Variants in KCNIP1 observed in about 807,000 individuals in gnomAD.
The protein encoded by KCNIP1 is potassium voltage-gated channel interacting protein 1, also known as A-type potassium channel modulatory protein KCNIP1.
A neutral mutation model predicts 33.0 loss-of-function variants in KCNIP1; 18 were observed. The observed-to-expected ratio is 0.55, with a 90% CI of 0.38 to 0.81. The LOEUF (loss-of-function observed/expected upper bound fraction) is 0.81, where lower values mean the gene tolerates loss of function less well. Ranked by LOEUF, KCNIP1 falls within the 30% of genes least tolerant of loss-of-function variation. The pLI is 0.00. For synonymous variants in KCNIP1, 93 were observed against 98.3 expected, an observed-to-expected ratio of 0.95 and a Z score of 0.32; for missense variants, 238 against 271.6, an observed-to-expected ratio of 0.88 and a Z score of 0.87.
At chr5:170,382,005 AG>A (rs1229140813) in intron 1 of KCNIP1, among the ~76,000 whole-genome samples, 1 of 151,938 alleles carries the variant, frequency 6.6e-6, no homozygotes, top group Non-Finnish European at 1.5e-5. Flanking sequence ...AGCACTCTCA[AG>A]ATCCCCCAGC....
chr5:170,652,498 A>AAAAAAGGAAGG (rs33995162), intron 1 of KCNIP1, among the ~76,000 whole-genome samples: 1 of 103,052 alleles, frequency 9.7e-6, no homozygotes, highest in Non-Finnish European at 1.8e-5. Flanking sequence ...AAAAAAAAAA[A>AAAAAAGGAAGG]AAGGAAGGAA....
intron 1 of KCNIP1, among the ~76,000 whole-genome samples, chr5:170,546,103 A>G: frequency 6.6e-6 from 1 of 152,098 alleles, no homozygotes; most frequent in East Asian, 1.9e-4. Flanking sequence ...GGCTTTTCCC[A>G]TTTCCTTGTG....
chr5:170,679,313 A>G (rs1381244403), intron 1 of KCNIP1: 1 of 152,220 alleles, frequency 6.6e-6, no homozygotes, highest in African/African-American at 2.4e-5. Flanking sequence ...ACCCCAGGAC[A>G]TCACTGCCTA....
intron 1 of KCNIP1, among the ~76,000 whole-genome samples, chr5:170,447,404 A>G (rs1244539416): frequency 6.6e-6 from 1 of 152,192 alleles, no homozygotes; most frequent in Admixed American, 6.5e-5. Context: ...CCTCCATTCC[A>G]GCCTCTCTTG....
chr5:170,657,874 G>A (rs770159722), intron 1 of KCNIP1, among the ~76,000 whole-genome samples: 9 of 152,158 alleles, frequency 5.9e-5, no homozygotes, highest in Non-Finnish European at 8.8e-5. Flanking sequence ...TGGACTCCAG[G>A]CATGTTGAGA....
At chr5:170,701,991 C>T (rs60916857) in intron 1 of KCNIP1, among the ~76,000 whole-genome samples, 1,981 of 152,290 alleles carry the variant, frequency 0.013, 49 homozygotes, top group African/African-American at 0.045. Flanking sequence ...CAGCGCCTCC[C>T]GAAATCACCA....
intron 1 of KCNIP1, among the ~76,000 whole-genome samples, chr5:170,518,491 A>G (rs1429797838): frequency 5.3e-5 from 8 of 152,318 alleles, no homozygotes; most frequent in African/African-American, 1.9e-4. Flanking sequence ...GTACATCGTC[A>G]AGTCTTCAAT....
At chr5:170,732,358 A>G (rs1000669014) in intron 5 of KCNIP1, among the ~76,000 whole-genome samples, 2 of 152,174 alleles carry the variant, frequency 1.3e-5, no homozygotes, top group Non-Finnish European at 2.9e-5. Flanking sequence ...CTGTGGAACT[A>G]TTGGCCTCAT....
chr5:170,608,577 G>A (rs1324171058), intron 1 of KCNIP1, among the ~76,000 whole-genome samples: 2 of 152,104 alleles, frequency 1.3e-5, no homozygotes, highest in African/African-American at 2.4e-5. Context: ...TTTGAGACCA[G>A]CCTGGCCAAC....
intron 1 of KCNIP1, among the ~76,000 whole-genome samples, chr5:170,368,650 A>G (rs10058577): frequency 0.016 from 2,392 of 152,322 alleles, 55 homozygotes; most frequent in African/African-American, 0.053. Flanking sequence ...CATATCATTC[A>G]CTAAATACAC....
chr5:170,529,256 G>A (rs926035945), intron 1 of KCNIP1, among the ~76,000 whole-genome samples: 1 of 152,152 alleles, frequency 6.6e-6, no homozygotes, highest in Non-Finnish European at 1.5e-5. Flanking sequence ...GGGGTTCCAA[G>A]AGTAGTCACC....
chr5:170,650,282 A>AC (rs1330970231), intron 1 of KCNIP1, among the ~76,000 whole-genome samples: 4 of 151,834 alleles, frequency 2.6e-5, no homozygotes, highest in African/African-American at 9.7e-5. Flanking sequence ...TATAACTATC[A>AC]CCCCCCAAAG....
intron 1 of KCNIP1, among the ~76,000 whole-genome samples, chr5:170,487,660 C>G (rs1162146675): frequency 1.3e-5 from 2 of 151,884 alleles, no homozygotes; most frequent in East Asian, 3.9e-4. Context: ...TAGCTGGAAC[C>G]ACAGGCGCAT....
chr5:170,693,538 A>G (rs1218956158), intron 1 of KCNIP1, among the ~76,000 whole-genome samples: 2 of 152,188 alleles, frequency 1.3e-5, no homozygotes, highest in East Asian at 3.9e-4. Flanking sequence ...GGTGACAGGT[A>G]TGAGAGCCAA....
intron 1 of KCNIP1, among the ~76,000 whole-genome samples, chr5:170,379,417 C>T (rs1581127651): frequency 6.6e-6 from 1 of 152,174 alleles, no homozygotes; most frequent in South Asian, 2.1e-4. Context: ...TATTTGAAAT[C>T]GAGATCATGT....
chr5:170,696,839 A>G (rs893313109), intron 1 of KCNIP1, among the ~76,000 whole-genome samples: 29 of 152,098 alleles, frequency 1.9e-4, no homozygotes, highest in African/African-American at 6.8e-4. Flanking sequence ...ATCATAAAAG[A>G]CCTTCATAAA....
intron 1 of KCNIP1, among the ~76,000 whole-genome samples, chr5:170,569,994 T>C (rs1757343818): frequency 6.6e-6 from 1 of 152,206 alleles, no homozygotes; most frequent in African/African-American, 2.4e-5. Flanking sequence ...AGGACCATTG[T>C]CATGGATGGG....
chr5:170,648,521 G>T (rs1448356729), intron 1 of KCNIP1, among the ~76,000 whole-genome samples: 1 of 152,162 alleles, frequency 6.6e-6, no homozygotes, highest in Non-Finnish European at 1.5e-5. Flanking sequence ...AGTGAAAAAA[G>T]CCAATCATGC....
chr5:170,442,909 C>T (rs1208716757), intron 1 of KCNIP1, among the ~76,000 whole-genome samples: 1 of 152,002 alleles, frequency 6.6e-6, no homozygotes, highest in African/African-American at 2.4e-5. Flanking sequence ...AAAGACAATC[C>T]CAGAAAACAG....
Sources: allele counts gnomAD v4.1 joint callset (sites outside exome capture counted in the v4.1 genomes callset), GRCh38; gene constraint gnomAD v4.1.1; transcripts MANE v1.5; gene names NCBI Gene and HGNC (gene_info 2026-07-23, HGNC 2026-07-21).